ATP8B4: variants seen among roughly 807,000 people sequenced by gnomAD.
ATP8B4 encodes the protein probable phospholipid-transporting ATPase IM.
A neutral mutation model predicts 145.6 loss-of-function variants in ATP8B4; 133 were observed. That is an observed-to-expected ratio of 0.91 (90% CI 0.79 to 1.05). The LOEUF is 1.05. Ranked by LOEUF, ATP8B4 falls within the 50% of genes least tolerant of loss-of-function variation. The probability of loss-of-function intolerance (pLI) is 0.00; values close to 1 mark genes in which losing one functional copy is unlikely to be tolerated. For synonymous variants in ATP8B4, 507 were observed against 492.9 expected (o/e 1.03, Z -0.38); for missense variants, 1,458 against 1,425.2 (o/e 1.02, Z -0.37).
rs78475138 is a variant in ATP8B4, at chr15:49,878,278, T to C, written c.2781+1098A>G. Among the ~76,000 whole-genome samples, 211 of 152,346 alleles carry C rather than the reference T, an allele frequency of 1.4e-3. 1 individual carries two copies. The highest frequency in any genetic ancestry group is 5.0e-3 in the African/African-American group (207 of 41,588). ...ATGAATGTGCTTAATCCTTTACATCTAAGGTCTTCAGAAGTTCATTACTTT... is the reference window on the plus strand; with the variant it reads ...ATGAATGTGCTTAATCCTTTACATCCAAGGTCTTCAGAAGTTCATTACTTT... On this transcript the variant is annotated intron_variant, in intron 24 of 27. Coordinates refer to ENST00000284509, the MANE Select transcript of ATP8B4 (RefSeq NM_024837.4).
intron 6 of ATP8B4, among the ~76,000 whole-genome samples, chr15:50,023,779 C>CAAAAAAAAAAAA (rs60030651): frequency 1.3e-4 from 10 of 75,032 alleles, no homozygotes; most frequent in African/African-American, 1.6e-4. Context: ...AGACCAAAGG[C>CAAAAAAAAAAAA]AAAAAAAAAA....
chr15:49,948,505 G>T (rs947085482), intron 14 of ATP8B4, among the ~76,000 whole-genome samples: 1 of 152,110 alleles, frequency 6.6e-6, no homozygotes, highest in Non-Finnish European at 1.5e-5. Context: ...GCAACTTATG[G>T]AATAGGAGGA....
At chr15:49,991,823 T>C (rs2047066988) in intron 9 of ATP8B4, among the ~76,000 whole-genome samples, 1 of 152,192 alleles carries the variant, frequency 6.6e-6, no homozygotes, top group South Asian at 2.1e-4. Flanking sequence ...TTTAAAAATA[T>C]GATGACCTCA....
At chr15:50,014,480 T>C (rs2048944253) in intron 6 of ATP8B4, among the ~76,000 whole-genome samples, 1 of 152,198 alleles carries the variant, frequency 6.6e-6, no homozygotes, top group Non-Finnish European at 1.5e-5. Flanking sequence ...TGCCTGAATG[T>C]CTAATAAGAA....
intron 15 of ATP8B4, among the ~76,000 whole-genome samples, chr15:49,933,719 G>A (rs577107045): frequency 6.6e-6 from 1 of 152,186 alleles, no homozygotes; most frequent in East Asian, 1.9e-4. Flanking sequence ...TCAATTGTAA[G>A]AACGATGTCA....
At chr15:50,094,624 ACGTG>A (rs2055838459) in intron 2 of ATP8B4, among the ~76,000 whole-genome samples, 1 of 146,844 alleles carries the variant, frequency 6.8e-6, no homozygotes, top group East Asian at 2.0e-4. Flanking sequence ...ATACACATAT[ACGTG>A]TATATATATT....
chr15:50,170,934 T>C (rs2044664519), intron 1 of ATP8B4, among the ~76,000 whole-genome samples: 1 of 152,038 alleles, frequency 6.6e-6, no homozygotes, highest in African/African-American at 2.4e-5. Context: ...AAACAAACTT[T>C]AAAGCAACAG....
intron 10 of ATP8B4, among the ~76,000 whole-genome samples, chr15:49,986,792 C>T (rs797017092): frequency 5.9e-5 from 9 of 152,330 alleles, no homozygotes; most frequent in African/African-American, 2.2e-4. Flanking sequence ...AGAGGGCCAC[C>T]TCGGGCCTAC....
At chr15:49,959,731 A>G (rs768537323) in intron 14 of ATP8B4, among the ~76,000 whole-genome samples, 4 of 152,186 alleles carry the variant, frequency 2.6e-5, no homozygotes, top group Non-Finnish European at 5.9e-5. Context: ...ATACCTAGGA[A>G]TAATTTTTTT....
chr15:50,016,641 C>T (rs546501907), intron 6 of ATP8B4, among the ~76,000 whole-genome samples: 1 of 152,196 alleles, frequency 6.6e-6, no homozygotes, highest in Non-Finnish European at 1.5e-5. Context: ...ATCAAGGGGA[C>T]CAGGACTTTA....
At chr15:50,130,193 T>C (rs1362665788) in intron 1 of ATP8B4, among the ~76,000 whole-genome samples, 1 of 152,172 alleles carries the variant, frequency 6.6e-6, no homozygotes. Flanking sequence ...TCTCACTTCC[T>C]CTAGGAACCC....
intron 3 of ATP8B4, among the ~76,000 whole-genome samples, chr15:50,068,906 A>G (rs765077910): frequency 2.0e-5 from 3 of 152,216 alleles, no homozygotes; most frequent in Non-Finnish European, 4.4e-5. Context: ...ATCTTTTAAC[A>G]TTAATACATT....
At chr15:50,122,977 A>G (rs2057282991), upstream of ATP8B4, among the ~76,000 whole-genome samples, 1 of 152,208 alleles carries the variant, frequency 6.6e-6, no homozygotes, top group African/African-American at 2.4e-5. Context: ...CAAATGGATA[A>G]AAGTATGCAT....
chr15:49,995,300 G>A (rs1322793974), intron 9 of ATP8B4, among the ~76,000 whole-genome samples: 2 of 152,062 alleles, frequency 1.3e-5, no homozygotes. Flanking sequence ...TGGCCTTTTT[G>A]GGCCTCCATG....
chr15:50,044,248 A>T (rs746173073), intron 5 of ATP8B4, among the ~76,000 whole-genome samples: 1 of 151,798 alleles, frequency 6.6e-6, no homozygotes, highest in Non-Finnish European at 1.5e-5. Flanking sequence ...AAACAAAGAC[A>T]TGTGATAAAG....
At position 49,979,475 on chromosome 15, in the gene ATP8B4, TG is replaced by T. The variant is rs1319489398; in HGVS notation, c.1034+141del. ...AAGTTAACAGATTAAACAGCTAAGC[TG>T]TCCCATTTGTAACAGATGTTGCAGA... On this transcript the variant is annotated intron_variant, in intron 12 of 27. Coordinates refer to ENST00000284509, the MANE Select transcript of ATP8B4 (RefSeq NM_024837.4). 5.1e-6 allele frequency: 3 copies of T among 585,226 alleles called. No homozygotes were observed. In the East Asian group the frequency reaches 8.7e-5, roughly 17 times the overall value. 36.3% of individuals were successfully genotyped at this position (585,226 alleles called of 1,614,324 possible).
chr15:49,954,897 T>A lies in ATP8B4; in HGVS notation c.1287+7080A>T, dbSNP rs112565996. Among the ~76,000 whole-genome samples the A allele has an allele frequency of 2.0e-3, 309 of 152,258 alleles. 2 individuals carry two copies. Among genetic ancestry groups the A allele is most frequent in the African/African-American group, 7.2e-3 (299 of 41,538 alleles). On this transcript the variant is annotated intron_variant, in intron 14 of 27. Transcript: ENST00000284509. The stretch of plus-strand genomic sequence containing the variant: ...CATATGCCTATCACATTGCTATTCA[T>A]AACAGCAAAAAACATAGAATAAACC...
chr15:49,919,424 C>A (rs2040045227), intron 18 of ATP8B4, among the ~76,000 whole-genome samples: 1 of 152,128 alleles, frequency 6.6e-6, no homozygotes, highest in Non-Finnish European at 1.5e-5. Flanking sequence ...TCCTTTCTTT[C>A]TTTTTTCTTT....
intron 17 of ATP8B4, among the ~76,000 whole-genome samples, chr15:49,920,988 T>C (rs1284360979): frequency 6.6e-6 from 1 of 152,096 alleles, no homozygotes; most frequent in African/African-American, 2.4e-5. Flanking sequence ...ATTTTCATGA[T>C]AAAAAGCTAA....
Sources: gnomAD v4.1 joint callset for allele counts (sites outside exome capture counted in the v4.1 genomes callset) on GRCh38, gnomAD v4.1.1 for gene constraint, MANE v1.5 for transcripts, NCBI Gene and HGNC (gene_info 2026-07-23, HGNC 2026-07-21) for gene names.